Variants in ZFP90 observed in about 807,000 individuals in gnomAD.
ZFP90 encodes ZFP90 zinc finger protein, also known as zinc finger protein 90 homolog.
In ZFP90, 38 loss-of-function variants were observed where a neutral mutation model predicts 60.8. The observed-to-expected ratio is 0.62, with a 90% CI of 0.48 to 0.82. The LOEUF (loss-of-function observed/expected upper bound fraction) is 0.82, where lower values mean the gene tolerates loss of function less well. ZFP90 is among the 40% of genes least tolerant of loss of function. The pLI, the probability that ZFP90 is intolerant of heterozygous loss-of-function variation, is 0.00. For synonymous variants in ZFP90, 287 were observed against 264.8 expected (o/e 1.08, Z -0.82); for missense variants, 711 against 759.1 (o/e 0.94, Z 0.74).
downstream of ZFP90, chr16:68,567,190 A>C: frequency 1.0e-6 from 1 of 983,680 alleles, no homozygotes; most frequent in Non-Finnish European, 1.2e-6. Flanking sequence ...AGAGTGGTGC[A>C]CCAAGAGGGA....
At chr16:68,542,383 G>A (rs2091066513) in intron 2 of ZFP90, among the ~76,000 whole-genome samples, 1 of 152,106 alleles carries the variant, frequency 6.6e-6, no homozygotes, top group African/African-American at 2.4e-5. Flanking sequence ...TTGAGGTCAG[G>A]AGTTCGAGAC....
In ZFP90 at chr16:68,563,678, T is replaced by C. The variant is rs764354005; in HGVS notation, c.891T>C (p.Leu297=). 1.2e-5 allele frequency: 19 copies of C among 1,614,046 alleles called. 1 individual carries two copies. In the Admixed American group the frequency reaches 3.2e-4, roughly 27 times the overall value. Residue 297 remains leucine (L), a synonymous_variant, in exon 5 of 5, where the codon CTT becomes CTC. Transcript: ENST00000563169. ...CGKAFRHSSS[L]GQHENAHTGE... ...AGGCCTTCAGGCATAGCTCATCTCTTGGTCAGCATGAGAATGCTCATACCG... is the reference window on the plus strand; with the variant it reads ...AGGCCTTCAGGCATAGCTCATCTCTCGGTCAGCATGAGAATGCTCATACCG...
chr16:68,539,885 A>T, intron 2 of ZFP90, 60 bp downstream of exon 2: 1 of 1,578,454 alleles, frequency 6.3e-7, no homozygotes, highest in Non-Finnish European at 8.6e-7. Context: ...CCATCTCCCA[A>T]GGGTGTTTGG....
At chr16:68,554,757 G>C (rs560932933) in intron 2 of ZFP90, among the ~76,000 whole-genome samples, 2 of 152,176 alleles carry the variant, frequency 1.3e-5, no homozygotes, top group African/African-American at 4.8e-5. Flanking sequence ...TTTGAGACCA[G>C]CCTGGGCAAC....
chr16:68,543,955 C>T (rs1217069331), intron 2 of ZFP90, among the ~76,000 whole-genome samples: 2 of 150,438 alleles, frequency 1.3e-5, no homozygotes, highest in African/African-American at 4.9e-5. Context: ...CAGGTTCAAG[C>T]AATTCTCCTG....
intron 2 of ZFP90, among the ~76,000 whole-genome samples, chr16:68,542,323 A>G (rs896313723): frequency 6.6e-6 from 1 of 152,142 alleles, no homozygotes; most frequent in African/African-American, 2.4e-5. Context: ...GGTGAAAACA[A>G]AAGGGGACTG....
intron 2 of ZFP90, among the ~76,000 whole-genome samples, chr16:68,546,414 T>C (rs1434940500): frequency 1.3e-5 from 2 of 152,218 alleles, no homozygotes; most frequent in Non-Finnish European, 2.9e-5. Flanking sequence ...CAATAACTTT[T>C]CATTCTTTCT....
chr16:68,554,572 A>G lies in ZFP90; in HGVS notation c.34-3426A>G, dbSNP rs984250668. Among the ~76,000 whole-genome samples the G allele has an allele frequency of 2.8e-4, 43 of 152,188 alleles. 1 individual carries two copies. Among genetic ancestry groups the G allele is most frequent in the Admixed American group, 2.6e-3 (40 of 15,270 alleles). On this transcript the variant is annotated intron_variant, in intron 2 of 4. Coordinates refer to ENST00000563169, the MANE Select transcript of ZFP90 (RefSeq NM_001305203.2). ...CAGTGGTTGCCCTGTCAAGGCAAGA[A>G]GTTATGAGTGGCTTGGAGCAGACGT...
chr16:68,539,348 C>T lies in ZFP90; in HGVS notation c.-167C>T, dbSNP rs1007637615. ...GTCCGACCCCGGTGCGGCTGAGGCC[C>T]CTTTGGGCAGCCCCTCCGCAGATCA... On this transcript the variant is annotated 5_prime_UTR_variant, in exon 1 of 5. Transcript: ENST00000563169. 3 of 191,710 alleles carry T rather than the reference C, an allele frequency of 1.6e-5. No homozygotes were observed. Among genetic ancestry groups the T allele is most frequent in the African/African-American group, 4.6e-5 (2 of 43,226 alleles). 11.9% of individuals were successfully genotyped at this position (191,710 alleles called of 1,614,324 possible).
intron 4 of ZFP90, among the ~76,000 whole-genome samples, chr16:68,559,971 C>A (rs2091412137): frequency 6.6e-6 from 1 of 152,230 alleles, no homozygotes; most frequent in South Asian, 2.1e-4. Flanking sequence ...TGGGCTCAAG[C>A]AATCCTCTTC....
chr16:68,550,410 C>T (rs149292945), intron 2 of ZFP90, among the ~76,000 whole-genome samples: 1 of 152,286 alleles, frequency 6.6e-6, no homozygotes, highest in African/African-American at 2.4e-5. Flanking sequence ...TGCCACCACA[C>T]CTAGGTAATT....
intron 2 of ZFP90, among the ~76,000 whole-genome samples, chr16:68,541,258 G>A (rs1053080469): frequency 2.0e-5 from 3 of 152,034 alleles, no homozygotes; most frequent in Non-Finnish European, 4.4e-5. Context: ...GTCTGGTCTC[G>A]AACTCCTGAC....
chr16:68,548,136 A>AT (rs2091186486), intron 2 of ZFP90, among the ~76,000 whole-genome samples: 1 of 151,922 alleles, frequency 6.6e-6, no homozygotes, highest in African/African-American at 2.4e-5. Flanking sequence ...CCAGTTGATC[A>AT]TTTTTTAATA....
At chr16:68,544,181 A>G (rs529697238) in intron 2 of ZFP90, among the ~76,000 whole-genome samples, 2 of 152,176 alleles carry the variant, frequency 1.3e-5, no homozygotes, top group Non-Finnish European at 1.5e-5. Flanking sequence ...TGTGTACTAC[A>G]TTTTTAGTTA....
chr16:68,567,044 C>T lies in ZFP90; in HGVS notation c.*2346C>T, dbSNP rs1281946642. 2 of 985,444 alleles carry T rather than the reference C, an allele frequency of 2.0e-6. No individual in the cohort carries two copies. The highest frequency in any genetic ancestry group is 2.4e-6 in the Non-Finnish European group (2 of 829,944). The allele number at this position is 985,444 out of a possible 1,614,324, so 61.0% of individuals were successfully genotyped here. A position where few individuals can be genotyped will look rare whatever the true frequency, so the allele number is the denominator to read the frequency against. Reference sequence around the variant, plus strand: ...AGTCCCAACAGCCATGAACCATGCACTTATGGATACCCAGCCTTTTAGGGC... The same window carrying T: ...AGTCCCAACAGCCATGAACCATGCATTTATGGATACCCAGCCTTTTAGGGC... On this transcript the variant is annotated 3_prime_UTR_variant, in exon 5 of 5. Coordinates refer to ENST00000563169, the MANE Select transcript of ZFP90 (RefSeq NM_001305203.2).
At chr16:68,562,688 T>A (rs1356664316) in intron 4 of ZFP90, 5 of 325,416 alleles carry the variant, frequency 1.5e-5, no homozygotes, top group Non-Finnish European at 2.8e-5. Flanking sequence ...GATTTTGTGG[T>A]GGTTTATAAA....
chr16:68,542,940 T>G (rs536169721), intron 2 of ZFP90, among the ~76,000 whole-genome samples: 21 of 152,198 alleles, frequency 1.4e-4, no homozygotes, highest in Non-Finnish European at 2.6e-4. Context: ...GACAGAAGAA[T>G]TCAGTAAATA....
chr16:68,567,006 A>T lies in ZFP90; in HGVS notation c.*2308A>T, dbSNP rs2091538800. ...AGGACATATGTGTGGCTCATTGACC[A>T]GAAGGCTTTCTTAGTCCCAACAGCC... On this transcript the variant is annotated 3_prime_UTR_variant, in exon 5 of 5. Transcript: ENST00000563169. 1 of 985,626 alleles carries T rather than the reference A, an allele frequency of 1.0e-6. No individual in the cohort carries two copies. The highest frequency in any genetic ancestry group is 6.1e-5 in the Admixed American group (1 of 16,286). 61.1% of individuals were successfully genotyped at this position (985,626 alleles called of 1,614,324 possible).
At chr16:68,536,296 G>C (rs996167926), upstream of ZFP90, among the ~76,000 whole-genome samples, 1 of 152,104 alleles carries the variant, frequency 6.6e-6, no homozygotes, top group East Asian at 1.9e-4. Context: ...AGGCTTACTC[G>C]TCTAAGGAAT....
Sources: allele counts gnomAD v4.1 joint callset (sites outside exome capture counted in the v4.1 genomes callset), GRCh38; gene constraint gnomAD v4.1.1; transcripts MANE v1.5; gene names NCBI Gene and HGNC (gene_info 2026-07-23, HGNC 2026-07-21).